Variants in WASF1 observed in about 807,000 individuals in gnomAD.
The protein encoded by WASF1 is actin-binding protein WASF1.
A neutral mutation model predicts 50.5 loss-of-function variants in WASF1; 7 were observed. The observed-to-expected ratio is 0.14, with a 90% CI of 0.08 to 0.26. WASF1 has a LOEUF of 0.26. WASF1 is among the 10% of genes least tolerant of loss of function. WASF1 has a pLI of 1.00. For missense variants in WASF1, 470 were observed against 694.7 expected (o/e 0.68, Z 3.64); for synonymous variants, 205 against 244.0 (o/e 0.84, Z 1.49).
At chr6:110,129,733 T>G (rs1774577812) in intron 3 of WASF1, among the ~76,000 whole-genome samples, 1 of 152,230 alleles carries the variant, frequency 6.6e-6, no homozygotes, top group Non-Finnish European at 1.5e-5. Flanking sequence ...TAAGTTTTTT[T>G]TACAAAGAAA....
intron 4 of WASF1, among the ~76,000 whole-genome samples, chr6:110,124,268 C>CTATATATA (rs1774308811): frequency 1.7e-5 from 1 of 59,236 alleles, no homozygotes; most frequent in African/African-American, 9.5e-5. Context: ...CTCTCTCTCT[C>CTATATATA]TCTCTCTATA....
At chr6:110,126,662 G>T (rs890082242) in intron 4 of WASF1, among the ~76,000 whole-genome samples, 2 of 152,148 alleles carry the variant, frequency 1.3e-5, no homozygotes, top group Non-Finnish European at 2.9e-5. Context: ...AGAACACCTT[G>T]TTTCACCTTT....
intron 3 of WASF1, among the ~76,000 whole-genome samples, chr6:110,150,998 T>C (rs1350553430): frequency 2.0e-5 from 3 of 152,146 alleles, no homozygotes; most frequent in Non-Finnish European, 4.4e-5. Context: ...GATCACGCCA[T>C]TGCATTCCAG....
chr6:110,170,773 G>A (rs1377372787), intron 2 of WASF1, among the ~76,000 whole-genome samples: 1 of 151,988 alleles, frequency 6.6e-6, no homozygotes, highest in Admixed American at 6.6e-5. Context: ...ATGCTAACAC[G>A]AGTCAAAACA....
intron 3 of WASF1, among the ~76,000 whole-genome samples, chr6:110,155,351 T>A (rs1015673709): frequency 5.3e-5 from 8 of 152,016 alleles, no homozygotes; most frequent in Non-Finnish European, 1.0e-4. Context: ...CATTATCATT[T>A]CCTGGCTTGG....
chr6:110,122,144 C>A (rs935949392), intron 4 of WASF1, among the ~76,000 whole-genome samples: 1 of 151,512 alleles, frequency 6.6e-6, no homozygotes, highest in African/African-American at 2.4e-5. Context: ...TGTAACAAAC[C>A]TGCACACTAT....
intron 7 of WASF1, among the ~76,000 whole-genome samples, chr6:110,105,898 C>T (rs944643773): frequency 1.3e-5 from 2 of 152,180 alleles, no homozygotes; most frequent in Admixed American, 6.5e-5. Flanking sequence ...CCTTGCTCCA[C>T]AGGCATTAGT....
At chr6:110,143,928 T>C (rs1325857949) in intron 3 of WASF1, among the ~76,000 whole-genome samples, 3 of 152,222 alleles carry the variant, frequency 2.0e-5, no homozygotes, top group African/African-American at 7.2e-5. Flanking sequence ...AACATACGTG[T>C]GCATGTGTCT....
chr6:110,101,891 A>G lies in WASF1; in HGVS notation c.1219T>C (p.Cys407Arg). 6.2e-7 allele frequency: 1 copy of G among 1,613,580 alleles called. No homozygotes were observed. The highest frequency in any genetic ancestry group is 8.5e-7 in the Non-Finnish European group (1 of 1,179,732). The change falls in exon 10 of 11, where the codon TGT becomes CGT. Residue 407 changes from cysteine to arginine, a missense_variant. Physicochemically the swap from Cys to Arg is radical, Grantham distance 180. Around this residue, in one of 3 missense-constraint regions of WASF1, gnomAD observed 294 missense variants for 343.5 expected, o/e 0.86. Coordinates refer to ENST00000392589, the MANE Select transcript of WASF1 (RefSeq NM_003931.3). ...AGTGGATGAACTGGTACAGTCTCACATACTGGGGCAGCTCTAGCTACTGGT... is the reference window on the plus strand; with the variant it reads ...AGTGGATGAACTGGTACAGTCTCACGTACTGGGGCAGCTCTAGCTACTGGT... Reference protein sequence around the residue: ...SPPVARAAPVCETVPVHPLPQ... With the variant: ...SPPVARAAPVRETVPVHPLPQ...
chr6:110,175,965 T>C (rs1383243039), intron 2 of WASF1, among the ~76,000 whole-genome samples: 1 of 152,142 alleles, frequency 6.6e-6, no homozygotes, highest in East Asian at 1.9e-4. Flanking sequence ...AATCCTATAA[T>C]TCAGGTATTT....
chr6:110,132,621 T>C (rs1179751232), intron 3 of WASF1, among the ~76,000 whole-genome samples: 5 of 151,988 alleles, frequency 3.3e-5, no homozygotes, highest in African/African-American at 4.8e-5. Context: ...TTCTGAGATT[T>C]TGGTGTACCC....
chr6:110,167,730 C>G (rs950639703), intron 2 of WASF1, among the ~76,000 whole-genome samples: 1 of 151,886 alleles, frequency 6.6e-6, no homozygotes, highest in Non-Finnish European at 1.5e-5. Flanking sequence ...TTCGGTGAGG[C>G]AGCTACAAAT....
intron 2 of WASF1, chr6:110,177,245 CTT>C (rs1404326123): frequency 6.6e-6 from 1 of 152,012 alleles, no homozygotes; most frequent in Non-Finnish European, 1.5e-5. Flanking sequence ...TCTTCACTAA[CTT>C]AATTCAATAT....
intron 4 of WASF1, among the ~76,000 whole-genome samples, chr6:110,124,235 C>CTCTCTCTCT (rs1554201262): frequency 9.1e-5 from 1 of 11,032 alleles, no homozygotes; most frequent in Admixed American, 1.8e-3. Flanking sequence ...TCCTCTCTCT[C>CTCTCTCTCT]CTCTCTCTCT....
chr6:110,119,228 CA>C (rs932872607), intron 4 of WASF1, among the ~76,000 whole-genome samples: 2 of 151,898 alleles, frequency 1.3e-5, no homozygotes, highest in African/African-American at 4.8e-5. Flanking sequence ...AAAAACCCTT[CA>C]AAAAAATCAG....
At chr6:110,140,731 G>GT (rs1562178396) in intron 3 of WASF1, among the ~76,000 whole-genome samples, 1 of 152,188 alleles carries the variant, frequency 6.6e-6, no homozygotes, top group African/African-American at 2.4e-5. Context: ...CACATTGAGT[G>GT]TGTTTCTTCA....
intron 2 of WASF1, among the ~76,000 whole-genome samples, chr6:110,171,994 C>T (rs532199862): frequency 1.7e-4 from 26 of 152,232 alleles, no homozygotes; most frequent in Non-Finnish European, 3.2e-4. Context: ...TATCATCTCA[C>T]GCCAGTTAGA....
At chr6:110,151,414 C>T (rs948385865) in intron 3 of WASF1, among the ~76,000 whole-genome samples, 1 of 152,106 alleles carries the variant, frequency 6.6e-6, no homozygotes, top group African/African-American at 2.4e-5. Flanking sequence ...ATGTATTACT[C>T]TTGATTGAAT....
chr6:110,120,070 C>T (rs1774022547), intron 4 of WASF1, among the ~76,000 whole-genome samples: 1 of 152,092 alleles, frequency 6.6e-6, no homozygotes, highest in Admixed American at 6.5e-5. Context: ...TATAACAAAC[C>T]CATAGCCAAA....
Sources: allele counts gnomAD v4.1 joint callset (sites outside exome capture counted in the v4.1 genomes callset), GRCh38; gene constraint gnomAD v4.1.1; regional missense constraint gnomAD v4.1.1; transcripts MANE v1.5; gene names NCBI Gene and HGNC (gene_info 2026-07-23, HGNC 2026-07-21).